The following OPHN1 variants were observed in gnomAD, a reference collection of about 807,000 sequenced individuals.
OPHN1 encodes oligophrenin 1.
Under a neutral mutation model 60.7 loss-of-function variants are expected in OPHN1, and 11 were observed. The observed-to-expected ratio is 0.18, with a 90% confidence interval of 0.11 to 0.30. The LOEUF is 0.30. Ranked by LOEUF, OPHN1 falls within the 10% of genes least tolerant of loss-of-function variation. The pLI is 1.00. For synonymous variants in OPHN1, 226 were observed against 222.6 expected (o/e 1.02, Z -0.14); for missense variants, 449 against 611.0 (o/e 0.73, Z 2.80).
At chrX:68,417,165 G>A (rs767624351) in intron 2 of OPHN1, among the ~76,000 whole-genome samples, 11 of 110,784 alleles carry the variant, frequency 9.9e-5, no homozygotes, top group Non-Finnish European at 2.1e-4. Flanking sequence ...GCGCGATCTC[G>A]GCTCACTGCA....
chrX:68,289,014 G>A (rs938443968), intron 3 of OPHN1, among the ~76,000 whole-genome samples: 9 of 111,077 alleles, frequency 8.1e-5, no homozygotes, highest in African/African-American at 3.3e-5. Flanking sequence ...CAGAGTGTGG[G>A]AGAGAATAGT....
At chrX:68,146,579 G>T (rs1178430580) in intron 15 of OPHN1, among the ~76,000 whole-genome samples, 2 of 112,440 alleles carry the variant, frequency 1.8e-5, no homozygotes, top group Non-Finnish European at 3.8e-5. Flanking sequence ...AAATTTAAAA[G>T]TATCCTGGCT....
intron 16 of OPHN1, among the ~76,000 whole-genome samples, chrX:68,115,734 T>C (rs990168678): frequency 1.8e-5 from 2 of 111,265 alleles, no homozygotes; most frequent in Non-Finnish European, 3.8e-5. Context: ...GGAGTGTATA[T>C]TACTTGACAC....
At chrX:68,162,197 A>G (rs973281034) in intron 15 of OPHN1, among the ~76,000 whole-genome samples, 1 of 110,745 alleles carries the variant, frequency 9.0e-6, no homozygotes, top group Non-Finnish European at 1.9e-5. Context: ...AATTCCAGAT[A>G]CTGGTTATCT....
At chrX:68,382,350 A>AAAAAT (rs773785173) in intron 2 of OPHN1, among the ~76,000 whole-genome samples, 72 of 110,623 alleles carry the variant, frequency 6.5e-4, no homozygotes, top group South Asian at 2.7e-3. Context: ...CTGTCTTAAA[A>AAAAAT]AAAATAAAAT....
At chrX:68,207,423 G>A (rs775333094) in intron 9 of OPHN1, among the ~76,000 whole-genome samples, 3 of 110,797 alleles carry the variant, frequency 2.7e-5, no homozygotes, top group East Asian at 2.8e-4. Flanking sequence ...GAGCCACAGC[G>A]CTGGGCCCAG....
intron 3 of OPHN1, among the ~76,000 whole-genome samples, chrX:68,286,376 G>A (rs962622614): frequency 1.4e-4 from 16 of 111,716 alleles, no homozygotes; most frequent in Non-Finnish European, 2.6e-4. Context: ...ATTGTGGGGT[G>A]TGCCTTCAAC....
chrX:68,349,441 T>C (rs1365425303), intron 2 of OPHN1, among the ~76,000 whole-genome samples: 6 of 111,807 alleles, frequency 5.4e-5, no homozygotes, highest in East Asian at 5.6e-4. Context: ...AAAATAGGAA[T>C]GCTTTTACAC....
At chrX:68,166,625 T>G (rs2077359598) in intron 15 of OPHN1, among the ~76,000 whole-genome samples, 1 of 112,029 alleles carries the variant, frequency 8.9e-6, no homozygotes, top group African/African-American at 3.2e-5. Context: ...ATCATATACC[T>G]GACTTCAAAT....
intron 5 of OPHN1, among the ~76,000 whole-genome samples, chrX:68,237,958 C>A (rs772448913): frequency 8.9e-6 from 1 of 112,249 alleles, no homozygotes; most frequent in East Asian, 2.8e-4. Context: ...AGATTTTAGT[C>A]TTTCCCTTAT....
intron 5 of OPHN1, among the ~76,000 whole-genome samples, chrX:68,242,447 T>C (rs141670245): frequency 1.8e-5 from 2 of 111,362 alleles, no homozygotes; most frequent in East Asian, 5.6e-4. Context: ...GTGAAGAAAT[T>C]GGAACTCTTG....
rs1396780944 is a variant in OPHN1, at chrX:68,375,426, G to GA, written c.154+57440dup. Among the ~76,000 whole-genome samples, 16 of 111,749 alleles carry GA rather than the reference G, an allele frequency of 1.4e-4. 1 individual carries two copies. In the South Asian group the frequency reaches 4.9e-3, roughly 34 times the overall value. On this transcript the variant is annotated intron_variant, in intron 2 of 24. Coordinates refer to ENST00000355520, the MANE Select transcript of OPHN1 (RefSeq NM_002547.3). ...GTGAGAGGATTCAGAACAGGGATCT[G>GA]AAAAAAAGATTCAGAACAGGGATCC...
chrX:68,230,087 T>C (rs1384299325), intron 6 of OPHN1, among the ~76,000 whole-genome samples: 2 of 111,350 alleles, frequency 1.8e-5, no homozygotes, highest in East Asian at 2.8e-4. Flanking sequence ...AACAACCCCA[T>C]CAAAAAGTGG....
chrX:68,210,047 T>C, intron 9 of OPHN1, 106 bp downstream of exon 9: 1 of 812,205 alleles, frequency 1.2e-6, no homozygotes, highest in East Asian at 3.3e-5. Flanking sequence ...GAATTTTAGC[T>C]ATCAGGGGTC....
chrX:68,308,436 CA>C (rs2078156605), intron 2 of OPHN1, among the ~76,000 whole-genome samples: 1 of 108,658 alleles, frequency 9.2e-6, no homozygotes, highest in South Asian at 4.2e-4. Context: ...ACCAAAAATA[CA>C]AAAAATCAGG....
intron 11 of OPHN1, among the ~76,000 whole-genome samples, chrX:68,200,844 T>C (rs1025182333): frequency 8.9e-6 from 1 of 112,013 alleles, no homozygotes; most frequent in Non-Finnish European, 1.9e-5. Context: ...TATTACTAAG[T>C]ATCTAACATC....
chrX:68,415,778 G>A (rs950873881), intron 2 of OPHN1, among the ~76,000 whole-genome samples: 1 of 110,459 alleles, frequency 9.1e-6, no homozygotes, highest in African/African-American at 3.3e-5. Flanking sequence ...ACTTTGGGAG[G>A]CCACCGCAGG....
chrX:68,235,613 G>A (rs1432361793), intron 5 of OPHN1, among the ~76,000 whole-genome samples: 4 of 108,474 alleles, frequency 3.7e-5, no homozygotes, highest in Admixed American at 9.9e-5. Flanking sequence ...CGAGGCGGGC[G>A]GATCACCTGA....
At chrX:68,066,329 C>T (rs373610393) in intron 20 of OPHN1, among the ~76,000 whole-genome samples, 10 of 111,772 alleles carry the variant, frequency 8.9e-5, no homozygotes, top group African/African-American at 3.3e-4. Context: ...ATAAAGGTTG[C>T]CTGTGCCCTA....
Sources: gnomAD v4.1 joint callset for allele counts (sites outside exome capture counted in the v4.1 genomes callset) on GRCh38, gnomAD v4.1.1 for gene constraint, MANE v1.5 for transcripts, NCBI Gene and HGNC (gene_info 2026-07-23, HGNC 2026-07-21) for gene names.